The following SLC2A7 variants were observed in gnomAD, a reference collection of about 807,000 sequenced individuals.
SLC2A7 encodes the protein solute carrier family 2 member 7.
Under a neutral mutation model 50.5 loss-of-function variants are expected in SLC2A7, and 50 were observed. That is an observed-to-expected ratio of 0.99 (90% CI 0.79 to 1.25). The LOEUF (loss-of-function observed/expected upper bound fraction) is 1.25, where lower values mean the gene tolerates loss of function less well. Among genes scored for constraint, SLC2A7 ranks in the 50% most tolerant of loss-of-function variants. The pLI is 0.00. For missense variants in SLC2A7, 683 were observed against 679.1 expected, an observed-to-expected ratio of 1.01 and a Z score of -0.06; for synonymous variants, 308 against 300.4, an observed-to-expected ratio of 1.03 and a Z score of -0.26.
At chr1:9,006,968 C>T (rs1230895947) in intron 10 of SLC2A7, among the ~76,000 whole-genome samples, 1 of 152,172 alleles carries the variant, frequency 6.6e-6, no homozygotes, top group African/African-American at 2.4e-5. Context: ...AAGTGAGTGT[C>T]TGGAGGGTGT....
At chr1:9,001,573 C>T (rs899843215), downstream of SLC2A7, among the ~76,000 whole-genome samples, 3 of 151,924 alleles carry the variant, frequency 2.0e-5, no homozygotes, top group African/African-American at 7.3e-5. Context: ...CGCACATGAC[C>T]GCACTGGCCA....
chr1:9,024,504 C>T (rs954814596), intron 2 of SLC2A7, among the ~76,000 whole-genome samples: 24 of 152,224 alleles, frequency 1.6e-4, no homozygotes, highest in African/African-American at 5.5e-4. Flanking sequence ...CAGGCTGTCC[C>T]TCCCTCCTTG....
At chr1:9,023,701 G>A (rs1461065553) in intron 2 of SLC2A7, among the ~76,000 whole-genome samples, 1 of 151,428 alleles carries the variant, frequency 6.6e-6, no homozygotes, top group African/African-American at 2.4e-5. Context: ...GAGGCCAAGG[G>A]TTCAAGAGCA....
At chr1:9,004,954 T>C in intron 10 of SLC2A7, 75 bp from the exon 11 acceptor site, 1 of 1,508,024 alleles carries the variant, frequency 6.6e-7, no homozygotes, top group Non-Finnish European at 9.0e-7. Context: ...CGCGGCCCAC[T>C]CTAGCCTCTG....
At position 9,025,566 on chromosome 1, in the gene SLC2A7, C is replaced by T. The variant is rs556233172; in HGVS notation, c.52-492G>A. ...GGCAGGGAAGGCCTCTCTGAGCAGG[C>T]GCCCTTTGAGCCGGGACCAGAATGG... On this transcript the variant is annotated intron_variant, in intron 1 of 11. Transcript: ENST00000400906. Among the ~76,000 whole-genome samples, 7 of 152,188 alleles carry T rather than the reference C, an allele frequency of 4.6e-5. No homozygotes were observed. The South Asian group carries it at 8.3e-4, about 18-fold the overall frequency.
At position 9,008,721 on chromosome 1, in the gene SLC2A7, C is replaced by T. The variant is rs556158407; in HGVS notation, c.1117-1336G>A. On this transcript the variant is annotated intron_variant, in intron 9 of 11. Coordinates refer to ENST00000400906, the MANE Select transcript of SLC2A7 (RefSeq NM_207420.3). This position sits in a 1 kb window ranked among gnomAD's most constrained non-coding sequence, Gnocchi z 5.9. ...AAGTGATTCTCCTGCCTCAGCCTCC[C>T]GAGTAACTGGGATTACAGGCACACG... Among the ~76,000 whole-genome samples the T allele has an allele frequency of 8.0e-4, 121 of 151,974 alleles. No individual in the cohort carries two copies. Among genetic ancestry groups the T allele is most frequent in the Non-Finnish European group, 1.4e-3 (97 of 67,938 alleles).
intron 9 of SLC2A7, among the ~76,000 whole-genome samples, chr1:9,007,598 T>C (rs940266357): frequency 3.3e-5 from 5 of 152,216 alleles, no homozygotes; most frequent in African/African-American, 1.2e-4. Flanking sequence ...CCTCACCTGA[T>C]GAGCGTCATG....
intron 3 of SLC2A7, 83 bp from the exon 4 acceptor site, chr1:9,019,416 G>C: frequency 6.4e-7 from 1 of 1,570,662 alleles, no homozygotes; most frequent in Non-Finnish European, 8.6e-7. Context: ...TCTGCGGGCA[G>C]TCACTACAGA....
chr1:9,026,203 G>A lies in SLC2A7; in HGVS notation c.51+92C>T, dbSNP rs1357578662. On this transcript the variant is annotated intron_variant, in intron 1 of 11. Transcript: ENST00000400906. ...AAAGGAAGCACGCTACCCGCTCCTT[G>A]CTAAAAGCATTCCACGGCCTTCACC... 5.7e-6 allele frequency: 8 copies of A among 1,397,192 alleles called. No individual in the cohort carries two copies. The East Asian group carries it at 1.7e-4, about 30-fold the overall frequency. The allele number at this position is 1,397,192 out of a possible 1,614,324, so 86.5% of individuals were successfully genotyped here.
chr1:9,003,404 G>A lies in SLC2A7; in HGVS notation c.1435C>T (p.Arg479Cys), dbSNP rs750572205. 9 of 1,614,148 alleles carry A rather than the reference G, an allele frequency of 5.6e-6. No individual in the cohort carries two copies. Among genetic ancestry groups the A allele is most frequent in the Admixed American group, 3.3e-5 (2 of 60,010 alleles). The stretch of plus-strand genomic sequence containing the variant: ...ACCCTGTTTCTCTTGGCAAAAATGC[G>A]GTTTATCTCCACAAATGTTTTGCCC... ...TKGKTFVEIN[R>C]IFAKRNRVKL... The change falls in exon 12 of 12, where the codon CGC becomes TGC. Residue 479 changes from arginine (R) to cysteine (C), a missense_variant. Physicochemically the swap from Arg to Cys is radical, Grantham distance 180. Transcript: ENST00000400906.
intron 1 of SLC2A7, 118 bp from the exon 2 acceptor site, chr1:9,025,192 C>T (rs866863369): frequency 3.8e-6 from 4 of 1,044,496 alleles, no homozygotes; most frequent in South Asian, 1.4e-5. Flanking sequence ...GATCCCAGGC[C>T]GTGCCCCCGG....
chr1:8,999,884 G>A (rs946306191), downstream of SLC2A7, among the ~76,000 whole-genome samples: 1 of 152,152 alleles, frequency 6.6e-6, no homozygotes, highest in African/African-American at 2.4e-5. Flanking sequence ...TGGGCCCAAT[G>A]GAGACTCTGG....
rs1257845148 is a variant in SLC2A7, at chr1:9,013,545, T to A, written c.994A>T (p.Ile332Leu). Residue 332 changes from isoleucine (I) to leucine (L), a missense_variant, in exon 8 of 12, where the codon ATA (isoleucine) becomes TTA (leucine). Ile to Leu is a conservative substitution (Grantham distance 5). Transcript: ENST00000400906. ...CTCACCGAGGTGATGGTCATCACTA[T>A]GTTGACGACGCCAGAGCCCACCGTT... The part of the protein sequence containing the change: ...YVTVGSGVVN[I>L]VMTITSAVLV... The A allele has an allele frequency of 6.2e-7, 1 of 1,613,854 alleles. No homozygotes were observed. Among genetic ancestry groups the A allele is most frequent in the East Asian group, 2.2e-5 (1 of 44,876 alleles).
chr1:9,021,516 C>T (rs1457187260), intron 3 of SLC2A7, among the ~76,000 whole-genome samples: 2 of 152,132 alleles, frequency 1.3e-5, no homozygotes, highest in Non-Finnish European at 2.9e-5. Flanking sequence ...GGTTCTGGTG[C>T]CAAGAGCAGG....
rs542527528 is a variant in SLC2A7 at position 9,019,190 on chromosome 1, G to A, written c.436+19C>T. 3.7e-6 allele frequency: 6 copies of A among 1,612,142 alleles called. No individual in the cohort carries two copies. In the South Asian group the frequency reaches 6.6e-5, roughly 18 times the overall value. On this transcript the variant is annotated intron_variant, in intron 4 of 11. Transcript: ENST00000400906. ...AGACCCTTCCCCCAAGGCTGAGCCG[G>A]AGCCTGGGCCCCAGGTACCTGCACA...
chr1:9,000,478 G>T (rs1171380231), downstream of SLC2A7, among the ~76,000 whole-genome samples: 1 of 151,974 alleles, frequency 6.6e-6, no homozygotes, highest in Non-Finnish European at 1.5e-5. Context: ...AATTAGCTGG[G>T]TGTGGTGGTG....
At chr1:8,996,766 T>C in the SLC2A7 span, among the ~76,000 whole-genome samples, 1 of 152,166 alleles carries the variant, frequency 6.6e-6, no homozygotes, top group African/African-American at 2.4e-5. Context: ...CATAATTACA[T>C]AATTACTAAT....
Position 9,015,116 on chromosome 1 carries a change from C to T in SLC2A7, c.715+1G>A. On this transcript the variant is annotated splice_donor_variant, in intron 6 of 11. Coordinates refer to ENST00000400906, the MANE Select transcript of SLC2A7 (RefSeq NM_207420.3). LOFTEE classifies it high-confidence loss of function. Reference sequence around the variant, plus strand: ...TGGGAGAGTAGCCGGCGACTTCATACCTTGTCGCGCTGTGGCTTCATCTCC... The same window carrying T: ...TGGGAGAGTAGCCGGCGACTTCATATCTTGTCGCGCTGTGGCTTCATCTCC... The T allele has an allele frequency of 6.2e-7, 1 of 1,613,154 alleles. No individual in the cohort carries two copies. The highest frequency in any genetic ancestry group is 8.5e-7 in the Non-Finnish European group (1 of 1,179,742).
rs1640597782 is a variant in SLC2A7 at position 9,003,053 on chromosome 1, A to C, written c.*247T>G. On this transcript the variant is annotated 3_prime_UTR_variant, in exon 12 of 12. Transcript: ENST00000400906. ...TTTGGTGCCAATGTAGAATCGGAAA[A>C]TCGAGTCTTAACCAATCAAAATTCA... 6.6e-6 allele frequency among the ~76,000 whole-genome samples: 1 copy of C among 152,226 alleles called. No individual in the cohort carries two copies. The highest frequency in any genetic ancestry group is 1.5e-5 in the Non-Finnish European group (1 of 68,046).
Sources: allele counts gnomAD v4.1 joint callset (sites outside exome capture counted in the v4.1 genomes callset), GRCh38; gene constraint gnomAD v4.1.1; non-coding constraint Gnocchi (gnomAD v3.1); transcripts MANE v1.5; gene names NCBI Gene and HGNC (gene_info 2026-07-23, HGNC 2026-07-21).